Variants in RBFOX3 observed in about 807,000 individuals in gnomAD.
RBFOX3 encodes RNA binding fox-1 homolog 3.
In RBFOX3, 17 loss-of-function variants were observed where a neutral mutation model predicts 48.7. The observed-to-expected ratio is 0.35, with a 90% CI of 0.24 to 0.52. The LOEUF (loss-of-function observed/expected upper bound fraction) is 0.52. Among genes scored for constraint, RBFOX3 ranks in the 20% least tolerant of loss-of-function variants. The pLI, the probability that RBFOX3 is intolerant of heterozygous loss-of-function variation, is 0.94. For synonymous variants in RBFOX3, 212 were observed against 209.5 expected, an observed-to-expected ratio of 1.01 and a Z score of -0.10; for missense variants, 382 against 497.5, an observed-to-expected ratio of 0.77 and a Z score of 2.21.
In RBFOX3 at chr17:79,249,422, T is replaced by C. The variant is rs1459797895; in HGVS notation, c.-73-13617A>G. ...GATGCTTTGACATCTGAAGCCTTGC[T>C]GGCCCTGGGGAGACGGCTCCTCCCA... On this transcript the variant is annotated intron_variant, in intron 3 of 14. Transcript: ENST00000693108. The surrounding 1 kb of genome is among the most constrained non-coding windows in gnomAD (Gnocchi z 4.1). Among the ~76,000 whole-genome samples, 1 of 152,168 alleles carries C rather than the reference T, an allele frequency of 6.6e-6. No individual in the cohort carries two copies. The highest frequency in any genetic ancestry group is 1.9e-4 in the East Asian group (1 of 5,182).
intron 2 of RBFOX3, among the ~76,000 whole-genome samples, chr17:79,451,937 C>A (rs1273931508): frequency 6.6e-6 from 1 of 152,220 alleles, no homozygotes; most frequent in East Asian, 1.9e-4. Context: ...CCACCCAGTA[C>A]TGGCACCCTC....
At chr17:79,093,042 C>T (rs761091092) in intron 14 of RBFOX3, among the ~76,000 whole-genome samples, 3 of 152,214 alleles carry the variant, frequency 2.0e-5, no homozygotes, top group Non-Finnish European at 2.9e-5. Context: ...GACCTCCTGG[C>T]GGGTTCCTGG....
the RBFOX3 span, among the ~76,000 whole-genome samples, chr17:79,616,858 C>T: frequency 2.0e-5 from 3 of 152,172 alleles, no homozygotes; most frequent in African/African-American, 7.2e-5. Flanking sequence ...GTGCACCTGT[C>T]CGGGCTCCAT....
At chr17:79,661,939 T>G in the RBFOX3 span, among the ~76,000 whole-genome samples, 2 of 152,110 alleles carry the variant, frequency 1.3e-5, no homozygotes, top group Non-Finnish European at 2.9e-5. Context: ...GTCCTTGCCT[T>G]TTTGCTCTCT....
chr17:79,284,189 G>C (rs553486440), intron 3 of RBFOX3, among the ~76,000 whole-genome samples: 1 of 152,258 alleles, frequency 6.6e-6, no homozygotes, highest in South Asian at 2.1e-4. Context: ...CTACAGGACA[G>C]TTGATTCTCA....
intron 4 of RBFOX3, among the ~76,000 whole-genome samples, chr17:79,163,387 A>G (rs2145414448): frequency 6.6e-6 from 1 of 152,320 alleles, no homozygotes; most frequent in African/African-American, 2.4e-5. Flanking sequence ...GATCCCGGAA[A>G]CAAGACTCCA....
chr17:79,551,477 G>A (rs1222106671), intron 1 of RBFOX3, among the ~76,000 whole-genome samples: 1 of 147,330 alleles, frequency 6.8e-6, no homozygotes, highest in Admixed American at 6.7e-5. Flanking sequence ...ATGAAAAGAT[G>A]GGTGGATGGA....
chr17:79,117,189 G>C (rs915398085), intron 4 of RBFOX3, among the ~76,000 whole-genome samples: 3 of 152,228 alleles, frequency 2.0e-5, no homozygotes, highest in Non-Finnish European at 4.4e-5. Context: ...AGTCTGCGGT[G>C]AGGAGGCCCC....
the RBFOX3 span, among the ~76,000 whole-genome samples, chr17:79,624,713 G>C: frequency 6.6e-6 from 1 of 152,162 alleles, no homozygotes; most frequent in South Asian, 2.1e-4. Flanking sequence ...TAAGGGCCCT[G>C]CCGACCCTCC....
intron 2 of RBFOX3, among the ~76,000 whole-genome samples, chr17:79,395,269 G>C (rs1195434082): frequency 6.6e-6 from 1 of 152,238 alleles, no homozygotes; most frequent in Non-Finnish European, 1.5e-5. Flanking sequence ...GCTCTATCTT[G>C]AGCAAGCCTT....
chr17:79,521,841 C>T (rs1048006585), intron 1 of RBFOX3, among the ~76,000 whole-genome samples: 4 of 152,332 alleles, frequency 2.6e-5, no homozygotes, highest in Middle Eastern at 3.4e-3. Context: ...CACTTTTTTG[C>T]TAAATAAATT....
chr17:79,304,441 G>GTA (rs34975610), intron 3 of RBFOX3, among the ~76,000 whole-genome samples: 5,138 of 148,670 alleles, frequency 0.035, 168 homozygotes, highest in South Asian at 0.15. Context: ...ATATATATGT[G>GTA]TATATATATA....
In RBFOX3 at chr17:79,094,505, G is replaced by A. The variant is rs990728601; in HGVS notation, c.1023C>T (p.Ala341=). 6.0e-5 allele frequency: 87 copies of A among 1,456,618 alleles called. No individual in the cohort carries two copies. Among genetic ancestry groups the A allele is most frequent in the Non-Finnish European group, 7.6e-5 (84 of 1,104,668 alleles). 90.2% of individuals were successfully genotyped at this position (1,456,618 alleles called of 1,614,324 possible). The change falls in exon 14 of 15, where the codon GCC becomes GCT. Residue 341 remains alanine, a synonymous_variant. Transcript: ENST00000693108. The part of the protein sequence containing the change: ...SDSYGRVYAA[A]DPYHHTIGPA... ...GCCCGATGGTGTGATGGTACGGGTC[G>A]GCAGCTGCGTAGACTCTGCCGTAAC...
At chr17:79,240,748 C>T (rs2062236664) in intron 3 of RBFOX3, among the ~76,000 whole-genome samples, 1 of 151,948 alleles carries the variant, frequency 6.6e-6, no homozygotes, top group Admixed American at 6.6e-5. Context: ...ACTGCAAGCT[C>T]CGCCTCCCAG....
At chr17:79,221,714 G>T (rs2059751320) in intron 4 of RBFOX3, among the ~76,000 whole-genome samples, 2 of 152,162 alleles carry the variant, frequency 1.3e-5, no homozygotes, top group Non-Finnish European at 2.9e-5. Flanking sequence ...CTGAGTGGAA[G>T]GAGGGCTCGC....
At chr17:79,327,834 T>G (rs753375947) in intron 2 of RBFOX3, among the ~76,000 whole-genome samples, 3 of 152,172 alleles carry the variant, frequency 2.0e-5, no homozygotes, top group Admixed American at 6.5e-5. Context: ...TAGTTGGGAC[T>G]ACAGGCATGT....
chr17:79,546,123 T>C (rs1213031071), intron 1 of RBFOX3, among the ~76,000 whole-genome samples: 3 of 152,248 alleles, frequency 2.0e-5, no homozygotes, highest in Non-Finnish European at 4.4e-5. Flanking sequence ...AGAAAGGTCA[T>C]AGCCACAGTC....
intron 4 of RBFOX3, among the ~76,000 whole-genome samples, chr17:79,233,147 GC>G (rs1172808165): frequency 6.6e-6 from 1 of 152,184 alleles, no homozygotes; most frequent in Non-Finnish European, 1.5e-5. Context: ...CTCAATCCCA[GC>G]GTGGAATACT....
chr17:79,496,657 G>T (rs1023282609), intron 1 of RBFOX3, among the ~76,000 whole-genome samples: 92 of 152,272 alleles, frequency 6.0e-4, no homozygotes, highest in African/African-American at 1.9e-3. Flanking sequence ...CAGCAGAGGG[G>T]TTTGAGGCCA....
Sources: allele counts gnomAD v4.1 joint callset (sites outside exome capture counted in the v4.1 genomes callset), GRCh38; gene constraint gnomAD v4.1.1; non-coding constraint Gnocchi (gnomAD v3.1); transcripts MANE v1.5; gene names NCBI Gene and HGNC (gene_info 2026-07-23, HGNC 2026-07-21).